ARID5B: variants seen among roughly 807,000 people sequenced by gnomAD.
ARID5B encodes AT-rich interaction domain 5B.
In ARID5B, 13 loss-of-function variants were observed where a neutral mutation model predicts 97.2. That is an observed-to-expected ratio of 0.13 (90% CI 0.09 to 0.21). ARID5B has a LOEUF of 0.21. Among genes scored for constraint, ARID5B ranks in the 10% least tolerant of loss-of-function variants. ARID5B has a pLI of 1.00. For missense variants in ARID5B, 1,210 were observed against 1,465.3 expected (o/e 0.83, Z 2.84); for synonymous variants, 556 against 570.3 (o/e 0.97, Z 0.36).
intron 3 of ARID5B, among the ~76,000 whole-genome samples, chr10:61,984,388 A>T (rs534238923): frequency 3.9e-5 from 6 of 152,354 alleles, no homozygotes; most frequent in Admixed American, 3.9e-4. Flanking sequence ...GAAAGCATAG[A>T]CATTATCCTT....
At chr10:61,965,932 G>A (rs1011921789) in intron 3 of ARID5B, among the ~76,000 whole-genome samples, 1 of 152,142 alleles carries the variant, frequency 6.6e-6, no homozygotes, top group Non-Finnish European at 1.5e-5. Context: ...TCTTAATTTA[G>A]ACATCACTTT....
Position 62,094,308 on chromosome 10 carries a change from C to G in ARID5B, c.*1278C>G, listed in dbSNP as rs1376604710. On this transcript the variant is annotated 3_prime_UTR_variant, in exon 10 of 10. Coordinates refer to ENST00000279873, the MANE Select transcript of ARID5B (RefSeq NM_032199.3). Reference sequence around the variant, plus strand: ...TCCTGATAGCTTCTCTAGCCTCGGTCTTTTGAGTGATAAGTAGTCATGTTG... The same window carrying G: ...TCCTGATAGCTTCTCTAGCCTCGGTGTTTTGAGTGATAAGTAGTCATGTTG... The G allele has an allele frequency of 4.3e-6, 1 of 231,196 alleles. No homozygotes were observed. Among genetic ancestry groups the G allele is most frequent in the Non-Finnish European group, 8.6e-6 (1 of 116,868 alleles). The allele number at this position is 231,196 out of a possible 1,614,324, so 14.3% of individuals were successfully genotyped here. A position where few individuals can be genotyped will look rare whatever the true frequency, so the allele number is the denominator to read the frequency against.
intron 4 of ARID5B, among the ~76,000 whole-genome samples, chr10:62,034,812 G>C (rs906559419): frequency 1.3e-5 from 2 of 152,194 alleles, no homozygotes; most frequent in African/African-American, 4.8e-5. Context: ...TTACAGATTT[G>C]CTCAGACTTT....
intron 4 of ARID5B, among the ~76,000 whole-genome samples, chr10:62,009,211 CTG>C (rs1354788183): frequency 1.3e-5 from 2 of 152,162 alleles, no homozygotes; most frequent in African/African-American, 4.8e-5. Context: ...CCTAGAAATT[CTG>C]TGTCTTAAAA....
intron 4 of ARID5B, among the ~76,000 whole-genome samples, chr10:62,026,739 A>G (rs550520160): frequency 1.3e-5 from 2 of 152,176 alleles, no homozygotes; most frequent in Non-Finnish European, 2.9e-5. Context: ...TGCTCTAAAT[A>G]TGTTGACTAA....
chr10:61,984,507 T>C (rs1408611094), intron 3 of ARID5B, among the ~76,000 whole-genome samples: 1 of 152,212 alleles, frequency 6.6e-6, no homozygotes, highest in Non-Finnish European at 1.5e-5. Context: ...ACATTGAACG[T>C]GGTCTTCCTT....
chr10:61,902,633 C>T (rs1218485292), intron 2 of ARID5B, among the ~76,000 whole-genome samples: 3 of 151,628 alleles, frequency 2.0e-5, no homozygotes, highest in African/African-American at 7.3e-5. Context: ...TGATTTTAGT[C>T]AAGATCAAAT....
rs1335058368 is a variant in ARID5B, at chr10:62,094,864, A to G, written c.*1834A>G. The G allele has an allele frequency of 1.7e-5, 4 of 231,320 alleles. No homozygotes were observed. Among genetic ancestry groups the G allele is most frequent in the African/African-American group, 4.4e-5 (2 of 45,208 alleles). The allele number at this position is 231,320 out of a possible 1,614,324, so 14.3% of individuals were successfully genotyped here. On this transcript the variant is annotated 3_prime_UTR_variant, in exon 10 of 10. Coordinates refer to ENST00000279873, the MANE Select transcript of ARID5B (RefSeq NM_032199.3). ...ACTTAATTCTGGGAAAATTGGTGAC[A>G]ATTTTCAACTTCTAAATAGGTAACT...
At chr10:62,063,316 C>T (rs992988858) in intron 7 of ARID5B, among the ~76,000 whole-genome samples, 1 of 152,058 alleles carries the variant, frequency 6.6e-6, no homozygotes, top group Non-Finnish European at 1.5e-5. Context: ...AGTATAAAAG[C>T]TGTAGATGTA....
chr10:62,051,500 A>G (rs1839789929), intron 5 of ARID5B, among the ~76,000 whole-genome samples: 1 of 152,258 alleles, frequency 6.6e-6, no homozygotes, highest in South Asian at 2.1e-4. Flanking sequence ...AATTAAAGAT[A>G]CATAGCAAAA....
intron 3 of ARID5B, among the ~76,000 whole-genome samples, chr10:61,975,031 T>A (rs1838680946): frequency 6.6e-6 from 1 of 151,880 alleles, no homozygotes; most frequent in African/African-American, 2.4e-5. Context: ...TGGAGTGACC[T>A]TTTAGGAAAT....
chr10:62,057,078 C>T (rs745306421), intron 5 of ARID5B, 39 bp from the exon 6 acceptor site: 13 of 1,599,184 alleles, frequency 8.1e-6, no homozygotes, highest in South Asian at 1.1e-5. Flanking sequence ...CATCCTGGGG[C>T]TGTGCCTCGT....
At chr10:62,006,850 ACT>A (rs1348099684) in intron 4 of ARID5B, among the ~76,000 whole-genome samples, 1 of 152,110 alleles carries the variant, frequency 6.6e-6, no homozygotes, top group Non-Finnish European at 1.5e-5. Context: ...TTTAAAAATA[ACT>A]CTGGACACCT....
At chr10:61,963,992 G>A (rs566031378) in intron 3 of ARID5B, among the ~76,000 whole-genome samples, 1 of 152,130 alleles carries the variant, frequency 6.6e-6, no homozygotes, top group South Asian at 2.1e-4. Context: ...AGGTTTCTGT[G>A]GTCCTCAAAT....
At chr10:62,059,728 C>G (rs1468250100) in intron 7 of ARID5B, among the ~76,000 whole-genome samples, 4 of 152,126 alleles carry the variant, frequency 2.6e-5, no homozygotes, top group African/African-American at 9.7e-5. Context: ...AGCAGAATCT[C>G]CTCTCATTCT....
At chr10:62,003,844 C>G (rs1564625226) in intron 4 of ARID5B, among the ~76,000 whole-genome samples, 1 of 152,190 alleles carries the variant, frequency 6.6e-6, no homozygotes, top group African/African-American at 2.4e-5. Context: ...TCCCCACCCA[C>G]CAATCCCCAC....
At chr10:61,948,374 T>G (rs868347267) in intron 3 of ARID5B, among the ~76,000 whole-genome samples, 2 of 139,412 alleles carry the variant, frequency 1.4e-5, no homozygotes, top group African/African-American at 5.6e-5. Flanking sequence ...GGATACACTT[T>G]AGGTAATTTT....
At chr10:61,962,403 A>G (rs142593421) in intron 3 of ARID5B, among the ~76,000 whole-genome samples, 173 of 152,338 alleles carry the variant, frequency 1.1e-3, no homozygotes, top group African/African-American at 3.9e-3. Flanking sequence ...AAACAGCCTC[A>G]TCATCCATAC....
intron 3 of ARID5B, among the ~76,000 whole-genome samples, chr10:61,965,858 T>A (rs1838537635): frequency 6.6e-6 from 1 of 152,308 alleles, no homozygotes; most frequent in Non-Finnish European, 1.5e-5. Flanking sequence ...TTTTTCATGG[T>A]CTACGAAAAT....
Sources: gnomAD v4.1 joint callset for allele counts (sites outside exome capture counted in the v4.1 genomes callset) on GRCh38, gnomAD v4.1.1 for gene constraint, MANE v1.5 for transcripts, NCBI Gene and HGNC (gene_info 2026-07-23, HGNC 2026-07-21) for gene names.